The following LLGL2 variants were observed in gnomAD, a reference collection of about 807,000 sequenced individuals.
The protein encoded by LLGL2 is LLGL scribble cell polarity complex component 2, also known as LLGL2, scribble cell polarity complex component.
In LLGL2, 81 loss-of-function variants were observed where a neutral mutation model predicts 123.2. That is an observed-to-expected ratio of 0.66 (90% confidence interval 0.55 to 0.79). The LOEUF (loss-of-function observed/expected upper bound fraction) is 0.79, where lower values mean the gene tolerates loss of function less well. Ranked by LOEUF, LLGL2 falls within the 30% of genes least tolerant of loss-of-function variation. LLGL2 has a pLI of 0.00. For synonymous variants in LLGL2, 577 were observed against 594.1 expected (o/e 0.97, Z 0.42); for missense variants, 1,273 against 1,414.6 (o/e 0.90, Z 1.61).
intron 6 of LLGL2, 152 bp from the exon 7 acceptor site, chr17:75,562,864 T>C (rs550198975): frequency 1.0e-6 from 1 of 953,796 alleles, no homozygotes; most frequent in South Asian, 1.6e-5. Context: ...GCCACCACGC[T>C]CGGCCATCCA....
At position 75,563,149 on chromosome 17, in the gene LLGL2, C is replaced by T. The variant is rs745938438; in HGVS notation, c.664C>T (p.Arg222Cys). Residue 222 changes from arginine to cysteine, a missense_variant, in exon 7 of 26, where the codon CGC becomes TGC. Arg to Cys is a radical substitution (Grantham distance 180, BLOSUM62 -3). Transcript: ENST00000392550. ...TGTCATCTGGGACCTACAGGGCAGC[C>T]GCGTGCTCTACCACTTCCTCAGCAG... ...LVVIWDLQGS[R>C]VLYHFLSSQQ... 17 of 1,613,022 alleles carry T rather than the reference C, an allele frequency of 1.1e-5. No individual in the cohort carries two copies. The highest frequency in any genetic ancestry group is 1.6e-4 in the Middle Eastern group (1 of 6,084).
At chr17:75,541,299 A>G (rs1278874520) in intron 1 of LLGL2, among the ~76,000 whole-genome samples, 2 of 152,228 alleles carry the variant, frequency 1.3e-5, no homozygotes, top group Non-Finnish European at 2.9e-5. Context: ...CTTCTGACCC[A>G]GTGACCTTGG....
chr17:75,539,447 C>T (rs2054126472), intron 1 of LLGL2, among the ~76,000 whole-genome samples: 1 of 145,992 alleles, frequency 6.8e-6, no homozygotes, highest in Non-Finnish European at 1.5e-5. Context: ...CACTATGTTG[C>T]CCAGGCTGGT....
chr17:75,564,409 A>G lies in LLGL2; in HGVS notation c.938A>G (p.His313Arg). Residue 313 changes from histidine to arginine, a missense_variant, in exon 10 of 26, where the codon CAC (histidine) becomes CGC (arginine). Transcript: ENST00000392550. This position sits in a 1 kb window ranked among gnomAD's most constrained non-coding sequence, Gnocchi z 4.9. ...CCACGGGCCAGCTACGGGGACCGCC[A>G]CTGCATCTCAGTGATCCACGATGGC... Reference protein sequence around the residue: ...GMPRASYGDRHCISVIHDGQQ... With the variant: ...GMPRASYGDRRCISVIHDGQQ... 6.2e-7 allele frequency: 1 copy of G among 1,613,378 alleles called. No individual in the cohort carries two copies. The highest frequency in any genetic ancestry group is 8.5e-7 in the Non-Finnish European group (1 of 1,179,970).
intron 1 of LLGL2, among the ~76,000 whole-genome samples, chr17:75,533,299 CTTT>C (rs532813559): frequency 1.2e-5 from 1 of 82,910 alleles, no homozygotes; most frequent in Non-Finnish European, 2.3e-5. Context: ...GCACCTGGCC[CTTT>C]TTTTTTTTTT....
intron 2 of LLGL2, among the ~76,000 whole-genome samples, chr17:75,551,747 A>G (rs1324537873): frequency 6.6e-6 from 1 of 152,238 alleles, no homozygotes; most frequent in Non-Finnish European, 1.5e-5. Context: ...GTCGAGGCCA[A>G]TGGGAATATA....
intron 6 of LLGL2, chr17:75,562,335 T>A (rs2055258121): frequency 6.5e-6 from 1 of 153,236 alleles, no homozygotes; most frequent in African/African-American, 2.4e-5. Context: ...TTGTAGAGCA[T>A]CCTTGCAGCC....
intron 1 of LLGL2, among the ~76,000 whole-genome samples, chr17:75,541,358 A>G (rs918649964): frequency 6.6e-6 from 1 of 152,174 alleles, no homozygotes; most frequent in Non-Finnish European, 1.5e-5. Context: ...CAACTGGTTT[A>G]TGAGTGTGAG....
Position 75,573,503 on chromosome 17 carries a change from G to C in LLGL2, c.2748G>C (p.Ser916=). 6.2e-7 allele frequency: 1 copy of C among 1,611,612 alleles called. No homozygotes were observed. Among genetic ancestry groups the C allele is most frequent in the Non-Finnish European group, 8.5e-7 (1 of 1,178,794 alleles). Residue 916 remains serine, a synonymous_variant, in exon 21 of 26, where the codon TCG becomes TCC. Transcript: ENST00000392550. The part of the protein sequence containing the change: ...YGQGFYLISP[S]EFERFSLSTK... The stretch of plus-strand genomic sequence containing the variant: ...CAGGCTTCTACCTGATCTCACCCTC[G>C]GAGTTTGAGCGCTTCTCTCTCTCCA...
rs371140105 is a variant in LLGL2, at chr17:75,529,637, C to T, written c.-31+3812C>T. 8.6e-5 allele frequency among the ~76,000 whole-genome samples: 13 copies of T among 151,896 alleles called. No individual in the cohort carries two copies. The East Asian group carries it at 1.2e-3, about 14-fold the overall frequency. On this transcript the variant is annotated intron_variant, in intron 1 of 25. Coordinates refer to ENST00000392550, the MANE Select transcript of LLGL2 (RefSeq NM_001031803.2). Reference sequence around the variant, plus strand: ...CAGCACTTTGGGAGACCGAGGCAGACGGATCATGAGGTCAGGAGATCGAGA... The same window carrying T: ...CAGCACTTTGGGAGACCGAGGCAGATGGATCATGAGGTCAGGAGATCGAGA...
At chr17:75,554,284 A>G (rs2054803357) in intron 2 of LLGL2, among the ~76,000 whole-genome samples, 1 of 138,746 alleles carries the variant, frequency 7.2e-6, no homozygotes, top group South Asian at 2.6e-4. Context: ...GCTGGGTGAC[A>G]AGAGCAAAAC....
intron 1 of LLGL2, among the ~76,000 whole-genome samples, chr17:75,532,309 G>A (rs1469751800): frequency 1.3e-5 from 2 of 152,008 alleles, no homozygotes; most frequent in Non-Finnish European, 2.9e-5. Context: ...GGAGTACAGT[G>A]GCGCGATCTC....
rs888455239 is a variant in LLGL2 at position 75,571,570 on chromosome 17, T to C, written c.2177-97T>C. 5.7e-6 allele frequency: 5 copies of C among 879,284 alleles called. No homozygotes were observed. In the African/African-American group the frequency reaches 6.6e-5, roughly 12 times the overall value. 54.5% of individuals were successfully genotyped at this position (879,284 alleles called of 1,614,324 possible). A position where few individuals can be genotyped will look rare whatever the true frequency, so the allele number is the denominator to read the frequency against. ...GTGGTTGTCAGAGAGCCTTCCAGCC[T>C]CTCCCAGGAGGGAAAACCTGGGAGT... On this transcript the variant is annotated intron_variant, in intron 17 of 25. Transcript: ENST00000392550.
At chr17:75,542,963 T>A (rs1277593222) in intron 1 of LLGL2, 1 of 152,594 alleles carries the variant, frequency 6.6e-6, no homozygotes, top group African/African-American at 2.4e-5. Flanking sequence ...TGGGCTCTGA[T>A]CTGGGAAGGA....
In LLGL2 at chr17:75,569,060, T is replaced by C; in HGVS notation, c.1405T>C (p.Phe469Leu). Residue 469 changes from phenylalanine to leucine, a missense_variant, in exon 13 of 26, where the codon TTC (phenylalanine) becomes CTC (leucine). By Grantham distance (22) the Phe-to-Leu change is conservative. Coordinates refer to ENST00000392550, the MANE Select transcript of LLGL2 (RefSeq NM_001031803.2). ...LLYKLSTVRV[F>L]LTDTDPNENF... ...CTACAAACTCAGCACTGTGCGCGTG[T>C]TCCTCACCGACACGGACCCCAACGA... 1 of 1,612,924 alleles carries C rather than the reference T, an allele frequency of 6.2e-7. No individual in the cohort carries two copies.
At chr17:75,556,479 C>T (rs781174936) in intron 3 of LLGL2, among the ~76,000 whole-genome samples, 3 of 152,172 alleles carry the variant, frequency 2.0e-5, no homozygotes, top group African/African-American at 7.2e-5. Flanking sequence ...TCAGTTTCCC[C>T]TCTCACCTAT....
In LLGL2 at chr17:75,572,044, G is replaced by A. The variant is rs34545262; in HGVS notation, c.2440G>A (p.Val814Ile). The A allele has an allele frequency of 1.7e-4, 270 of 1,611,686 alleles. No individual in the cohort carries two copies. The highest frequency in any genetic ancestry group is 1.5e-3 in the Middle Eastern group (9 of 6,060). The change falls in exon 19 of 26, where the codon GTA becomes ATA. Residue 814 changes from valine to isoleucine, a missense_variant. Val to Ile is a conservative substitution (Grantham distance 29, BLOSUM62 3). Transcript: ENST00000392550. ...GCAGGGAAGCCACCAGCTGCTCGTC[G>A]TATCAGAGGAGCAGTTCAAGGTGCC... ...DMQGSHQLLV[V>I]SEEQFKVFTL...
At position 75,544,543 on chromosome 17, in the gene LLGL2, T is replaced by C. The variant is rs1407686864; in HGVS notation, c.75+1042T>C. Among the ~76,000 whole-genome samples, 1 of 152,362 alleles carries C rather than the reference T, an allele frequency of 6.6e-6. No individual in the cohort carries two copies. Among genetic ancestry groups the C allele is most frequent in the East Asian group, 1.9e-4 (1 of 5,192 alleles). Reference sequence around the variant, plus strand: ...CCAACTTTGCCACATAGAAGCTGGATGGCCGTGTGCCTGTCGCCCACACCA... The same window carrying C: ...CCAACTTTGCCACATAGAAGCTGGACGGCCGTGTGCCTGTCGCCCACACCA... On this transcript the variant is annotated intron_variant, in intron 2 of 25. Coordinates refer to ENST00000392550, the MANE Select transcript of LLGL2 (RefSeq NM_001031803.2). The surrounding 1 kb of genome is among the most constrained non-coding windows in gnomAD (Gnocchi z 4.2).
intron 3 of LLGL2, among the ~76,000 whole-genome samples, chr17:75,557,437 TG>T (rs5822090): frequency 0.011 from 1,679 of 152,354 alleles, 30 homozygotes; most frequent in African/African-American, 0.038. Flanking sequence ...TCTGGCCGAC[TG>T]GGGGCTCCCA....
Sources: allele counts gnomAD v4.1 joint callset (sites outside exome capture counted in the v4.1 genomes callset), GRCh38; gene constraint gnomAD v4.1.1; non-coding constraint Gnocchi (gnomAD v3.1); transcripts MANE v1.5; gene names NCBI Gene and HGNC (gene_info 2026-07-23, HGNC 2026-07-21).